CNTNAP2: variants seen among roughly 807,000 people sequenced by gnomAD.
CNTNAP2 encodes the protein contactin associated protein 2, also known as contactin-associated protein-like 2.
A neutral mutation model predicts 155.2 loss-of-function variants in CNTNAP2; 98 were observed. That is an observed-to-expected ratio of 0.63 (90% CI 0.54 to 0.75). The LOEUF (loss-of-function observed/expected upper bound fraction) is 0.75, where lower values mean the gene tolerates loss of function less well. CNTNAP2 is among the 30% of genes least tolerant of loss of function. The pLI is 0.00. For synonymous variants in CNTNAP2, 651 were observed against 631.2 expected, an observed-to-expected ratio of 1.03 and a Z score of -0.47; for missense variants, 1,727 against 1,688.1, an observed-to-expected ratio of 1.02 and a Z score of -0.40.
At chr7:147,633,911 T>A (rs926023333) in intron 12 of CNTNAP2, among the ~76,000 whole-genome samples, 3 of 152,102 alleles carry the variant, frequency 2.0e-5, no homozygotes, top group African/African-American at 7.2e-5. Context: ...ACTAATACAT[T>A]ACCTTATTCC....
At chr7:147,650,805 G>A (rs1795438770) in intron 13 of CNTNAP2, among the ~76,000 whole-genome samples, 1 of 151,778 alleles carries the variant, frequency 6.6e-6, no homozygotes, top group South Asian at 2.1e-4. Flanking sequence ...CTTTTAAATA[G>A]CATTTGCCTT....
intron 22 of CNTNAP2, among the ~76,000 whole-genome samples, chr7:148,392,380 T>G (rs972666903): frequency 1.3e-5 from 2 of 152,172 alleles, no homozygotes; most frequent in African/African-American, 4.8e-5. Flanking sequence ...CCACAGCTAG[T>G]TATTTTAAAG....
chr7:146,456,520 C>T (rs1796557577), intron 1 of CNTNAP2, among the ~76,000 whole-genome samples: 1 of 152,102 alleles, frequency 6.6e-6, no homozygotes, highest in Non-Finnish European at 1.5e-5. Context: ...CTCACAGATC[C>T]TTTCAAAGGG....
chr7:148,260,765 C>T (rs570705987), intron 20 of CNTNAP2, among the ~76,000 whole-genome samples: 91 of 152,296 alleles, frequency 6.0e-4, no homozygotes, highest in African/African-American at 2.0e-3. Context: ...TCTCCTCTGA[C>T]AGTCTCCAGC....
At chr7:148,139,584 C>T (rs150944933) in intron 16 of CNTNAP2, among the ~76,000 whole-genome samples, 1,522 of 152,164 alleles carry the variant, frequency 0.01, 77 homozygotes, top group Admixed American at 0.087. Context: ...AGTGCAGTGG[C>T]GTGATCTCGG....
intron 22 of CNTNAP2, among the ~76,000 whole-genome samples, chr7:148,389,423 C>T (rs560981265): frequency 4.6e-5 from 7 of 152,210 alleles, no homozygotes; most frequent in Non-Finnish European, 8.8e-5. Context: ...TTGCCTTCCA[C>T]CATGATTGTG....
chr7:146,525,440 G>A (rs754878352), intron 1 of CNTNAP2, among the ~76,000 whole-genome samples: 3 of 152,080 alleles, frequency 2.0e-5, no homozygotes, highest in Non-Finnish European at 4.4e-5. Flanking sequence ...ATACCAAATT[G>A]AGAAAAGGAA....
intron 14 of CNTNAP2, among the ~76,000 whole-genome samples, chr7:147,967,245 C>A (rs1428111737): frequency 6.6e-6 from 1 of 152,204 alleles, no homozygotes; most frequent in Admixed American, 6.5e-5. Flanking sequence ...GCCAGTAAGG[C>A]AATTTTCCTA....
At chr7:146,819,746 T>TC (rs1263665938) in intron 2 of CNTNAP2, among the ~76,000 whole-genome samples, 1 of 152,182 alleles carries the variant, frequency 6.6e-6, no homozygotes, top group East Asian at 1.9e-4. Flanking sequence ...ATCGTTTTTT[T>TC]CCGTTTCAGG....
rs375193217 is a variant in CNTNAP2, at chr7:147,138,864, A to C, written c.1348+6355A>C. Among the ~76,000 whole-genome samples, 4 of 152,180 alleles carry C rather than the reference A, an allele frequency of 2.6e-5. No homozygotes were observed. The South Asian group carries it at 6.2e-4, about 24-fold the overall frequency. ...ATAATAATTTTTTAAAATTCCAAAAAGGCAATAAAGTTTTAGTAACTTTGT... is the reference window on the plus strand; with the variant it reads ...ATAATAATTTTTTAAAATTCCAAAACGGCAATAAAGTTTTAGTAACTTTGT... On this transcript the variant is annotated intron_variant, in intron 8 of 23. Coordinates refer to ENST00000361727, the MANE Select transcript of CNTNAP2 (RefSeq NM_014141.6).
chr7:146,526,562 C>T (rs1012828707), intron 1 of CNTNAP2, among the ~76,000 whole-genome samples: 5 of 152,126 alleles, frequency 3.3e-5, no homozygotes, highest in Non-Finnish European at 7.4e-5. Flanking sequence ...TGGTGCTCAA[C>T]CATTCCTGAG....
chr7:148,181,772 T>TC (rs1230501514), intron 18 of CNTNAP2, among the ~76,000 whole-genome samples: 1 of 80,852 alleles, frequency 1.2e-5, no homozygotes, highest in Non-Finnish European at 2.5e-5. Flanking sequence ...TTTTTTTTTT[T>TC]TTTGAGACGG....
At chr7:146,316,881 G>A (rs987853057) in intron 1 of CNTNAP2, among the ~76,000 whole-genome samples, 10 of 151,884 alleles carry the variant, frequency 6.6e-5, no homozygotes, top group Middle Eastern at 3.2e-3. Flanking sequence ...ACCCACCTAC[G>A]GGAGGTCGTC....
At chr7:148,284,143 C>T (rs889447242) in intron 21 of CNTNAP2, among the ~76,000 whole-genome samples, 2 of 152,194 alleles carry the variant, frequency 1.3e-5, no homozygotes, top group African/African-American at 4.8e-5. Context: ...CAGCTATTAT[C>T]ACACATGATG....
At chr7:147,661,895 A>G (rs1416109402) in intron 13 of CNTNAP2, among the ~76,000 whole-genome samples, 1 of 152,086 alleles carries the variant, frequency 6.6e-6, no homozygotes, top group Admixed American at 6.5e-5. Context: ...AGCCTGCACC[A>G]TGACGTAGCC....
intron 8 of CNTNAP2, among the ~76,000 whole-genome samples, chr7:147,215,528 G>A (rs1210902112): frequency 6.6e-6 from 1 of 151,962 alleles, no homozygotes. Flanking sequence ...ATTTTTTTCA[G>A]TGCTGAATAA....
intron 8 of CNTNAP2, among the ~76,000 whole-genome samples, chr7:147,280,414 G>A (rs1357850901): frequency 6.6e-6 from 1 of 151,914 alleles, no homozygotes; most frequent in Admixed American, 6.6e-5. Context: ...TAGAAGTCAT[G>A]CTCAATAAAA....
chr7:148,373,139 A>G (rs1730394), intron 21 of CNTNAP2, among the ~76,000 whole-genome samples: 108,210 of 151,398 alleles, frequency 0.71, 39,786 homozygotes, highest in Admixed American at 0.81. Flanking sequence ...CTGTTGTACA[A>G]TTACCCTTTT....
intron 13 of CNTNAP2, among the ~76,000 whole-genome samples, chr7:147,678,572 G>A (rs1795902331): frequency 2.0e-5 from 3 of 151,870 alleles, no homozygotes; most frequent in Admixed American, 2.0e-4. Context: ...TTCAGGACAG[G>A]TCCAAAAAAT....
Sources: allele counts gnomAD v4.1 joint callset (sites outside exome capture counted in the v4.1 genomes callset), GRCh38; gene constraint gnomAD v4.1.1; transcripts MANE v1.5; gene names NCBI Gene and HGNC (gene_info 2026-07-23, HGNC 2026-07-21).